The following RNF213 variants were observed in gnomAD, a reference collection of about 807,000 sequenced individuals.
RNF213 encodes the protein E3 ubiquitin-protein ligase RNF213.
Under a neutral mutation model 514.4 loss-of-function variants are expected in RNF213, and 341 were observed. The observed-to-expected ratio is 0.66, with a 90% CI of 0.61 to 0.73. RNF213 has a LOEUF of 0.73. Ranked by LOEUF, RNF213 falls within the 30% of genes least tolerant of loss-of-function variation. The pLI, the probability that RNF213 is intolerant of heterozygous loss-of-function variation, is 0.00. For missense variants in RNF213, 5,767 were observed against 6,615.6 expected (o/e 0.87, Z 4.45); for synonymous variants, 2,655 against 2,658.2 (o/e 1.00, Z 0.04).
At chr17:80,290,815 T>G (rs2044696237) in intron 7 of RNF213, 87 bp downstream of exon 7, 2 of 1,468,002 alleles carry the variant, frequency 1.4e-6, no homozygotes, top group South Asian at 1.2e-5. Flanking sequence ...AAAATTTTGT[T>G]TTTTTTTTTT....
rs1009897229 is a variant in RNF213 at position 80,353,137 on chromosome 17, G to C, written c.10423+78G>C. The C allele has an allele frequency of 2.5e-6, 4 of 1,583,448 alleles. No individual in the cohort carries two copies. Among genetic ancestry groups the C allele is most frequent in the Middle Eastern group, 1.7e-4 (1 of 6,028 alleles). On this transcript the variant is annotated intron_variant, in intron 33 of 67. Coordinates refer to ENST00000582970, the MANE Select transcript of RNF213 (RefSeq NM_001256071.3). The surrounding 1 kb of genome is among the most constrained non-coding windows in gnomAD (Gnocchi z 5.0). ...CAGGTGTGGAGCGTGGCGTGCACAT[G>C]GCACTAGGAGCAGGGCCACCGTGTT...
intron 2 of RNF213, among the ~76,000 whole-genome samples, chr17:80,270,558 G>C (rs1485666604): frequency 6.6e-6 from 1 of 152,184 alleles, no homozygotes. Flanking sequence ...CCGGTCGTTG[G>C]GTGGAAATGG....
intron 40 of RNF213, 41 bp downstream of exon 40, chr17:80,363,355 G>C: frequency 1.9e-6 from 3 of 1,581,464 alleles, no homozygotes; most frequent in Non-Finnish European, 2.6e-6. Flanking sequence ...GCCTTGTGGT[G>C]CTTCCAACTC....
At chr17:80,309,360 G>T (rs1172347906) in intron 14 of RNF213, among the ~76,000 whole-genome samples, 189 bp downstream of exon 14, 2 of 152,150 alleles carry the variant, frequency 1.3e-5, no homozygotes, top group African/African-American at 4.8e-5. Flanking sequence ...GGTGTCAGTG[G>T]GCCAGGGTCT....
chr17:80,307,288 G>T (rs61087724), intron 13 of RNF213, 87 bp downstream of exon 13: 376,850 of 1,087,758 alleles, frequency 0.35, 69,242 homozygotes, highest in African/African-American at 0.6. Context: ...TGACCCACAT[G>T]TGCTGTTGTA....
chr17:80,278,986 G>T (rs1270379574), intron 3 of RNF213: 3 of 1,514,924 alleles, frequency 2.0e-6, no homozygotes, highest in East Asian at 2.5e-5. Flanking sequence ...CGGCCACCTC[G>T]CACTTCCGGC....
At chr17:80,281,942 C>G (rs1220666375) in intron 3 of RNF213, among the ~76,000 whole-genome samples, 1 of 152,012 alleles carries the variant, frequency 6.6e-6, no homozygotes, top group African/African-American at 2.4e-5. Context: ...CTGCAACCTC[C>G]GCCTCCTGGG....
At chr17:80,371,508 C>T (rs1338983432) in intron 46 of RNF213, 3 of 172,820 alleles carry the variant, frequency 1.7e-5, no homozygotes, top group Admixed American at 1.2e-4. Flanking sequence ...CATGTAATAG[C>T]TTTATTGTTA....
intron 63 of RNF213, among the ~76,000 whole-genome samples, chr17:80,387,325 C>G (rs183047020): frequency 2.6e-5 from 4 of 152,188 alleles, no homozygotes. Flanking sequence ...CGGCTGGTCT[C>G]GAACTCTTGG....
chr17:80,361,191 C>T (rs935194164), intron 38 of RNF213, among the ~76,000 whole-genome samples: 3 of 152,162 alleles, frequency 2.0e-5, no homozygotes, highest in Non-Finnish European at 1.5e-5. Flanking sequence ...CTGTTTCTGA[C>T]CTAAATTTGA....
In RNF213 at chr17:80,398,205, T is replaced by C. The variant is rs972531518; in HGVS notation, c.*4707T>C. The C allele has an allele frequency of 1.3e-5, 2 of 152,148 alleles. No individual in the cohort carries two copies. Among genetic ancestry groups the C allele is most frequent in the Non-Finnish European group, 2.9e-5 (2 of 68,060 alleles). The allele number at this position is 152,148 out of a possible 1,614,324, so 9.4% of individuals were successfully genotyped here. A position where few individuals can be genotyped will look rare whatever the true frequency, so the allele number is the denominator to read the frequency against. On this transcript the variant is annotated 3_prime_UTR_variant, in exon 68 of 68. Coordinates refer to ENST00000582970, the MANE Select transcript of RNF213 (RefSeq NM_001256071.3). ...TTTTGACCTGACTTGGATATCCTGATACTCTGATTTTGGTTTTGATTTTGG... is the reference window on the plus strand; with the variant it reads ...TTTTGACCTGACTTGGATATCCTGACACTCTGATTTTGGTTTTGATTTTGG...
chr17:80,291,531 T>A, intron 7 of RNF213, 97 bp from the exon 8 acceptor site: 1 of 1,258,582 alleles, frequency 7.9e-7, no homozygotes, highest in Non-Finnish European at 1.2e-6. Context: ...CCTTGCCACA[T>A]CAACTTATAG....
rs540218037 is a variant in RNF213 at position 80,317,489 on chromosome 17, G to A, written c.2901+212G>A. The stretch of plus-strand genomic sequence containing the variant: ...TTACTGAGAGGACAGAGAAGAACAA[G>A]GGCCCAGGATCTCACCATCATGGGG... On this transcript the variant is annotated intron_variant, in intron 16 of 67. Transcript: ENST00000582970. The surrounding 1 kb of genome is among the most constrained non-coding windows in gnomAD (Gnocchi z 4.1). Among the ~76,000 whole-genome samples, 23 of 152,304 alleles carry A rather than the reference G, an allele frequency of 1.5e-4. No homozygotes were observed. The highest frequency in any genetic ancestry group is 5.3e-4 in the African/African-American group (22 of 41,566).
intron 2 of RNF213, among the ~76,000 whole-genome samples, chr17:80,265,894 A>C (rs1205902538): frequency 6.6e-6 from 1 of 151,250 alleles, no homozygotes; most frequent in Non-Finnish European, 1.5e-5. Context: ...ATGTAGAAAG[A>C]CTCCATCTCT....
At position 80,334,323 on chromosome 17, in the gene RNF213, C is replaced by T. The variant is rs538749733; in HGVS notation, c.4309+53C>T. On this transcript the variant is annotated intron_variant, in intron 22 of 67. Coordinates refer to ENST00000582970, the MANE Select transcript of RNF213 (RefSeq NM_001256071.3). ...AAGTGTGGAGAAAGTTTTCAGATGG[C>T]GCACTGTGTGGCGTTCCTAAACTCT... 1,364 of 1,494,452 alleles carry T rather than the reference C, an allele frequency of 9.1e-4. 4 individuals carry two copies. The highest frequency in any genetic ancestry group is 1.1e-3 in the Non-Finnish European group (1,232 of 1,123,986). The allele number at this position is 1,494,452 out of a possible 1,614,324, so 92.6% of individuals were successfully genotyped here.
intron 20 of RNF213, among the ~76,000 whole-genome samples, chr17:80,330,070 C>A (rs765617490): frequency 2.6e-5 from 4 of 152,122 alleles, no homozygotes; most frequent in Non-Finnish European, 4.4e-5. Context: ...TTATTCAGAA[C>A]CAAACTTTCT....
rs1224755260 is a variant in RNF213 at position 80,350,300 on chromosome 17, G to T, written c.10089-1G>T. ...CTTGAATAACTTCCCTTTTCTTTCA[G>T]AAACTGTTTAACGAATACAGCCAAA... On this transcript the variant is annotated splice_acceptor_variant, in intron 30 of 67. Transcript: ENST00000582970. LOFTEE classifies it high-confidence loss of function. 1 of 1,585,444 alleles carries T rather than the reference G, an allele frequency of 6.3e-7. No homozygotes were observed. Among genetic ancestry groups the T allele is most frequent in the Non-Finnish European group, 8.7e-7 (1 of 1,154,166 alleles).
intron 65 of RNF213, 39 bp downstream of exon 65, chr17:80,389,406 C>T: frequency 6.3e-7 from 1 of 1,578,252 alleles, no homozygotes; most frequent in Non-Finnish European, 8.7e-7. Flanking sequence ...CACAGCCCCT[C>T]ACCCTGGTCT....
In RNF213 at chr17:80,363,029, C is replaced by T. The variant is rs573695825; in HGVS notation, c.11356-73C>T. On this transcript the variant is annotated intron_variant, in intron 39 of 67. Transcript: ENST00000582970. ...CCTCTTTTATGGTTTTCCAATAGTTCGGATTTCCCACGGGGAAAACATACC... is the reference window on the plus strand; with the variant it reads ...CCTCTTTTATGGTTTTCCAATAGTTTGGATTTCCCACGGGGAAAACATACC... 2.5e-5 allele frequency: 34 copies of T among 1,358,732 alleles called. No homozygotes were observed. In the African/African-American group the frequency reaches 3.1e-4, roughly 12 times the overall value. 84.2% of individuals were successfully genotyped at this position (1,358,732 alleles called of 1,614,324 possible). A position where few individuals can be genotyped will look rare whatever the true frequency, so the allele number is the denominator to read the frequency against.
Sources: allele counts gnomAD v4.1 joint callset (sites outside exome capture counted in the v4.1 genomes callset), GRCh38; gene constraint gnomAD v4.1.1; non-coding constraint Gnocchi (gnomAD v3.1); transcripts MANE v1.5; gene names NCBI Gene and HGNC (gene_info 2026-07-23, HGNC 2026-07-21).